SPMIP6: variants seen among roughly 807,000 people sequenced by gnomAD.
The protein encoded by SPMIP6 is ciliated bronchial epithelial protein 1.
chr9:34,391,401 G>A, the SPMIP6 span, among the ~76,000 whole-genome samples: 2 of 151,918 alleles, frequency 1.3e-5, no homozygotes, highest in African/African-American at 4.8e-5. Context: ...TTTAACTTTT[G>A]CTCTTATTTT....
At chr9:34,394,732 A>T in the SPMIP6 span, among the ~76,000 whole-genome samples, 18 of 152,100 alleles carry the variant, frequency 1.2e-4, no homozygotes. Context: ...TACAGATTTA[A>T]TTCCTCTATC....
chr9:34,379,655 G>A, the SPMIP6 span: 12 of 1,613,984 alleles, frequency 7.4e-6, no homozygotes, highest in Admixed American at 8.3e-5. The surrounding 1 kb of genome is among the most constrained non-coding windows in gnomAD (Gnocchi z 4.2). Flanking sequence ...CCTAAGGTTC[G>A]GATATGGGTA....
At chr9:34,380,386 T>C in the SPMIP6 span, among the ~76,000 whole-genome samples, 1 of 152,090 alleles carries the variant, frequency 6.6e-6, no homozygotes, top group African/African-American at 2.4e-5. Flanking sequence ...TCTGGTAAAG[T>C]GGTCACCATT....
the SPMIP6 span, among the ~76,000 whole-genome samples, chr9:34,394,643 G>A: frequency 3.3e-5 from 5 of 152,052 alleles, no homozygotes; most frequent in Non-Finnish European, 5.9e-5. Context: ...GATGTTTACC[G>A]CCATTGAAGA....
At chr9:34,387,509 TACAC>T in the SPMIP6 span, among the ~76,000 whole-genome samples, 1 of 150,966 alleles carries the variant, frequency 6.6e-6, no homozygotes. Context: ...CTCCGAGCTT[TACAC>T]ACACACACAC....
At chr9:34,388,307 A>AT in the SPMIP6 span, among the ~76,000 whole-genome samples, 68,684 of 133,650 alleles carry the variant, frequency 0.51, 17,499 homozygotes, top group Middle Eastern at 0.55. Context: ...CTCCCAGCTA[A>AT]TTTTTTTTTT....
the SPMIP6 span, among the ~76,000 whole-genome samples, chr9:34,388,938 T>TC: frequency 7.2e-5 from 8 of 111,678 alleles, no homozygotes; most frequent in Admixed American, 4.3e-4. Context: ...CTTTCTTTTT[T>TC]TTTTTTTTTT....
the SPMIP6 span, among the ~76,000 whole-genome samples, chr9:34,386,001 C>G: frequency 1.3e-5 from 2 of 152,348 alleles, no homozygotes; most frequent in South Asian, 4.1e-4. Flanking sequence ...AAGGCTAGGG[C>G]TTGGGGCCGA....
At chr9:34,387,526 C>CA in the SPMIP6 span, among the ~76,000 whole-genome samples, 317 of 151,742 alleles carry the variant, frequency 2.1e-3, no homozygotes, top group African/African-American at 6.0e-3. Flanking sequence ...ACACACACAC[C>CA]CCTGTGTACC....
At chr9:34,394,917 A>G in the SPMIP6 span, among the ~76,000 whole-genome samples, 1 of 151,930 alleles carries the variant, frequency 6.6e-6, no homozygotes, top group African/African-American at 2.4e-5. Context: ...AGGGCCCTTC[A>G]GAGTTTCTAG....
chr9:34,385,656 G>A, the SPMIP6 span: 1 of 1,612,792 alleles, frequency 6.2e-7, no homozygotes, highest in African/African-American at 1.3e-5. Flanking sequence ...GAGAAAGCCA[G>A]TACTTCTCAG....
chr9:34,384,190 A>T, the SPMIP6 span, among the ~76,000 whole-genome samples: 132 of 152,368 alleles, frequency 8.7e-4, 4 homozygotes, highest in South Asian at 0.027. Context: ...CATCCAGATC[A>T]AGATGACTAT....
the SPMIP6 span, among the ~76,000 whole-genome samples, chr9:34,391,661 C>A: frequency 6.6e-6 from 1 of 152,162 alleles, no homozygotes; most frequent in Non-Finnish European, 1.5e-5. Context: ...TTTAAACTCA[C>A]AAAGGATTTT....
chr9:34,383,169 C>T, the SPMIP6 span, among the ~76,000 whole-genome samples: 3 of 152,318 alleles, frequency 2.0e-5, no homozygotes, highest in East Asian at 5.8e-4. Flanking sequence ...TTCCCAATTC[C>T]TCCCTCTCTC....
the SPMIP6 span, chr9:34,381,349 G>A: frequency 1.2e-6 from 2 of 1,613,404 alleles, no homozygotes; most frequent in East Asian, 4.5e-5. This position sits in a 1 kb window ranked among gnomAD's most constrained non-coding sequence, Gnocchi z 4.4. Context: ...TCTTTCCAAC[G>A]CCCCACTACC....
At chr9:34,397,667 C>G in the SPMIP6 span, 1 of 1,551,974 alleles carries the variant, frequency 6.4e-7, no homozygotes, top group Non-Finnish European at 8.7e-7. Flanking sequence ...GTGGGCTCTA[C>G]CTGTCAAGGG....
the SPMIP6 span, chr9:34,379,184 A>C: frequency 6.3e-7 from 1 of 1,589,840 alleles, no homozygotes; most frequent in South Asian, 1.1e-5. This position sits in a 1 kb window ranked among gnomAD's most constrained non-coding sequence, Gnocchi z 4.2. Context: ...TGTCCCATCT[A>C]CAGGAAGAGA....
At chr9:34,382,881 G>C in the SPMIP6 span, 2 of 1,517,460 alleles carry the variant, frequency 1.3e-6, no homozygotes, top group Non-Finnish European at 1.8e-6. Context: ...TGGATAATAG[G>C]GGTGGAGATG....
chr9:34,380,927 C>G, the SPMIP6 span: 16 of 1,596,644 alleles, frequency 1.0e-5, no homozygotes, highest in South Asian at 9.9e-5. Flanking sequence ...GCACCAAGGC[C>G]GCAGGCGGCG....
Sources: gnomAD v4.1 joint callset for allele counts (sites outside exome capture counted in the v4.1 genomes callset) on GRCh38, gnomAD v4.1.1 for gene constraint, Gnocchi (gnomAD v3.1) non-coding constraint, MANE v1.5 for transcripts, NCBI Gene and HGNC (gene_info 2026-07-23, HGNC 2026-07-21) for gene names.